CPQ: variants seen among roughly 807,000 people sequenced by gnomAD.
CPQ encodes the protein carboxypeptidase Q, also known as Ser-Met dipeptidase.
In CPQ, 37 loss-of-function variants were observed where a neutral mutation model predicts 45.7. The ratio of observed to expected loss-of-function variants is 0.81; its 90% CI spans 0.62 to 1.07. CPQ has a LOEUF of 1.07. Ranked by LOEUF, CPQ falls within the 50% of genes least tolerant of loss-of-function variation. CPQ has a pLI of 0.00. For synonymous variants in CPQ, 186 were observed against 205.8 expected, an observed-to-expected ratio of 0.90 and a Z score of 0.82; for missense variants, 537 against 572.9, an observed-to-expected ratio of 0.94 and a Z score of 0.64.
intron 6 of CPQ, among the ~76,000 whole-genome samples, chr8:97,063,441 T>C (rs1340730683): frequency 6.6e-6 from 1 of 152,176 alleles, no homozygotes; most frequent in Non-Finnish European, 1.5e-5. Context: ...GTTTACTCTG[T>C]TGATAGTTTC....
intron 7 of CPQ, among the ~76,000 whole-genome samples, chr8:97,080,197 A>T (rs566074890): frequency 6.6e-6 from 1 of 152,156 alleles, no homozygotes; most frequent in Non-Finnish European, 1.5e-5. Context: ...TTCCAGTTGA[A>T]GAGAGATGGA....
chr8:97,023,377 A>G lies in CPQ; in HGVS notation c.962-6026A>G, dbSNP rs538740307. Among the ~76,000 whole-genome samples, 6 of 152,252 alleles carry G rather than the reference A, an allele frequency of 3.9e-5. No homozygotes were observed. In the South Asian group the frequency reaches 1.0e-3, roughly 26 times the overall value. On this transcript the variant is annotated intron_variant, in intron 5 of 7. Coordinates refer to ENST00000220763, the MANE Select transcript of CPQ (RefSeq NM_016134.4). ...AAAGACCACAAATTGGGTGCAGTGT[A>G]TACTGCTCAGGTGATGGGTGCACCA...
Position 96,822,874 on chromosome 8 carries a change from T to A in CPQ, c.434-12099T>A, listed in dbSNP as rs868572502. Among the ~76,000 whole-genome samples the A allele has an allele frequency of 3.9e-5, 6 of 152,166 alleles. No individual in the cohort carries two copies. In the South Asian group the frequency reaches 1.2e-3, roughly 32 times the overall value. On this transcript the variant is annotated intron_variant, in intron 2 of 7. Transcript: ENST00000220763. ...AGAGAAGTCTTCCCTGATCACCTAA[T>A]ACAAAGAAGTTTTCTGTCCCCCTCA...
chr8:97,039,445 T>C (rs1810070859), intron 6 of CPQ, among the ~76,000 whole-genome samples: 1 of 151,918 alleles, frequency 6.6e-6, no homozygotes. Context: ...TTTTTAATAT[T>C]AAACAATTGT....
At chr8:96,883,267 G>A (rs1812253870) in intron 4 of CPQ, among the ~76,000 whole-genome samples, 1 of 152,108 alleles carries the variant, frequency 6.6e-6, no homozygotes, top group Non-Finnish European at 1.5e-5. Context: ...TGGACTTAAT[G>A]TTTTCCTTTC....
chr8:96,818,915 T>C (rs933812504), intron 2 of CPQ, among the ~76,000 whole-genome samples: 4 of 152,148 alleles, frequency 2.6e-5, no homozygotes, highest in African/African-American at 9.7e-5. Context: ...CAATGTAAAC[T>C]GTTAATTCTA....
At chr8:96,922,880 G>A (rs189377233) in intron 4 of CPQ, among the ~76,000 whole-genome samples, 86 of 152,256 alleles carry the variant, frequency 5.6e-4, no homozygotes, top group Non-Finnish European at 1.1e-3. Context: ...GTTTTGATTT[G>A]ACCATTGTGG....
chr8:96,937,645 G>A (rs895985490), intron 4 of CPQ, among the ~76,000 whole-genome samples: 2 of 152,148 alleles, frequency 1.3e-5, no homozygotes, highest in African/African-American at 2.4e-5. Flanking sequence ...TGGGACGTGA[G>A]CTTTGTATGC....
At chr8:96,687,269 A>G (rs1809244435) in intron 1 of CPQ, among the ~76,000 whole-genome samples, 1 of 149,490 alleles carries the variant, frequency 6.7e-6, no homozygotes. Flanking sequence ...CTGGAGTGCA[A>G]TGGTGCAATC....
At position 96,737,255 on chromosome 8, in the gene CPQ, A is replaced by AC. The variant is rs201563707; in HGVS notation, c.-34-47609_-34-47608insC. Among the ~76,000 whole-genome samples the AC allele has an allele frequency of 3.3e-3, 420 of 125,604 alleles. 3 individuals carry two copies. The highest frequency in any genetic ancestry group is 0.015 in the African/African-American group (389 of 25,568). 82.4% of individuals were successfully genotyped at this position (125,604 alleles called of 152,430 possible). A position where few individuals can be genotyped will look rare whatever the true frequency, so the allele number is the denominator to read the frequency against. ...TACACACACACACACACACACACACAAAAAAAAACTAATAGGATATATATA... is the reference window on the plus strand; with the variant it reads ...TACACACACACACACACACACACACACAAAAAAAACTAATAGGATATATATA... On this transcript the variant is annotated intron_variant, in intron 1 of 7. Coordinates refer to ENST00000220763, the MANE Select transcript of CPQ (RefSeq NM_016134.4).
chr8:96,952,064 T>C (rs543825482), intron 4 of CPQ, among the ~76,000 whole-genome samples: 2 of 152,208 alleles, frequency 1.3e-5, no homozygotes, highest in East Asian at 3.9e-4. Context: ...ATTAAGTAAC[T>C]TGCTCATGTC....
chr8:97,083,763 C>T (rs2513407), intron 7 of CPQ, among the ~76,000 whole-genome samples: 82,127 of 151,862 alleles, frequency 0.54, 23,076 homozygotes, highest in Non-Finnish European at 0.62. Context: ...TCACAGGCGA[C>T]ATCAAGTTCT....
chr8:96,840,405 T>C (rs1474611131), intron 3 of CPQ, among the ~76,000 whole-genome samples: 2 of 152,076 alleles, frequency 1.3e-5, no homozygotes, highest in Admixed American at 1.3e-4. Flanking sequence ...GGGGTGAATT[T>C]TACAGCAGTG....
intron 4 of CPQ, among the ~76,000 whole-genome samples, chr8:96,912,963 C>T (rs1311830007): frequency 6.6e-6 from 1 of 152,200 alleles, no homozygotes; most frequent in Admixed American, 6.5e-5. Flanking sequence ...GACATTCTCA[C>T]TCTGTAGAGG....
intron 7 of CPQ, among the ~76,000 whole-genome samples, chr8:97,123,162 TAAA>T (rs1453872783): frequency 3.7e-5 from 2 of 53,806 alleles, no homozygotes; most frequent in African/African-American, 1.7e-4. Flanking sequence ...TAAAATAAAA[TAAA>T]ATAAAATAAA....
rs149476038 is a variant in CPQ at position 96,908,747 on chromosome 8, G to GCGCGCGCACACACACACA, written c.849+28743_849+28744insGCGCGCACACACACACAC. 2.0e-3 allele frequency among the ~76,000 whole-genome samples: 288 copies of GCGCGCGCACACACACACA among 141,010 alleles called. 2 individuals carry two copies. The highest frequency in any genetic ancestry group is 7.1e-3 in the African/African-American group (276 of 38,704). The allele number at this position is 141,010 out of a possible 152,430, so 92.5% of individuals were successfully genotyped here. On this transcript the variant is annotated intron_variant, in intron 4 of 7. Coordinates refer to ENST00000220763, the MANE Select transcript of CPQ (RefSeq NM_016134.4). Reference sequence around the variant, plus strand: ...TCTCTTTTCAGTTTTATACACATGCGCACACACACACACACACACACACAC... The same window carrying GCGCGCGCACACACACACA: ...TCTCTTTTCAGTTTTATACACATGCGCGCGCGCACACACACACACACACACACACACACACACACACAC...
intron 1 of CPQ, among the ~76,000 whole-genome samples, chr8:96,699,709 C>T (rs915878928): frequency 6.6e-6 from 1 of 152,036 alleles, no homozygotes; most frequent in East Asian, 1.9e-4. Flanking sequence ...AATTTTGAAA[C>T]ATATGGTACT....
chr8:96,810,208 G>C (rs888138290), intron 2 of CPQ, among the ~76,000 whole-genome samples: 1 of 152,126 alleles, frequency 6.6e-6, no homozygotes, highest in Non-Finnish European at 1.5e-5. Context: ...AGCTTTGTCA[G>C]TATACTCACC....
intron 1 of CPQ, among the ~76,000 whole-genome samples, chr8:96,720,204 T>G (rs781156741): frequency 1.3e-5 from 2 of 152,240 alleles, no homozygotes; most frequent in Non-Finnish European, 2.9e-5. Context: ...ATATTTAAAA[T>G]AGCTGTCTGA....
Sources: gnomAD v4.1 joint callset for allele counts (sites outside exome capture counted in the v4.1 genomes callset) on GRCh38, gnomAD v4.1.1 for gene constraint, MANE v1.5 for transcripts, NCBI Gene and HGNC (gene_info 2026-07-23, HGNC 2026-07-21) for gene names.